Variants in SPECC1 observed in about 807,000 individuals in gnomAD.
The protein encoded by SPECC1 is sperm antigen with calponin homology and coiled-coil domains 1.
In SPECC1, 62 loss-of-function variants were observed where a neutral mutation model predicts 104.1. That is an observed-to-expected ratio of 0.60 (90% CI 0.49 to 0.74). SPECC1 has a LOEUF of 0.74. SPECC1 is among the 30% of genes least tolerant of loss of function. The pLI, the probability that SPECC1 is intolerant of heterozygous loss-of-function variation, is 0.00. For synonymous variants in SPECC1, 513 were observed against 501.6 expected (o/e 1.02, Z -0.30); for missense variants, 1,306 against 1,310.5 (o/e 1.00, Z 0.05).
chr17:20,270,452 A>C (rs1279648012), intron 12 of SPECC1, among the ~76,000 whole-genome samples: 2 of 145,962 alleles, frequency 1.4e-5, no homozygotes, highest in Admixed American at 6.8e-5. Flanking sequence ...AAAAAAAAAA[A>C]AAAAAAAAAA....
chr17:20,318,036 T>A lies in SPECC1; in HGVS notation c.*3971T>A, dbSNP rs2042061641. ...CTTATTTTTTCTATACTCAGCAGAG[T>A]GTGCCATTCCCAGTTTCTGTCCTGA... On this transcript the variant is annotated 3_prime_UTR_variant, in exon 15 of 15. Coordinates refer to ENST00000395527, the MANE Select transcript of SPECC1 (RefSeq NM_001243439.2). The A allele has an allele frequency of 4.3e-6, 1 of 230,268 alleles. No homozygotes were observed. Among genetic ancestry groups the A allele is most frequent in the Admixed American group, 5.7e-5 (1 of 17,678 alleles). 14.3% of individuals were successfully genotyped at this position (230,268 alleles called of 1,614,324 possible).
intron 12 of SPECC1, among the ~76,000 whole-genome samples, chr17:20,285,281 A>G (rs1048185688): frequency 7.9e-5 from 12 of 152,172 alleles, no homozygotes; most frequent in African/African-American, 2.9e-4. Flanking sequence ...CTTTAGTACA[A>G]CCTCAACACT....
intron 1 of SPECC1, among the ~76,000 whole-genome samples, chr17:20,085,642 A>G (rs1205791802): frequency 1.3e-5 from 2 of 152,262 alleles, no homozygotes; most frequent in African/African-American, 4.8e-5. Flanking sequence ...TTCATTAGCC[A>G]GCTGGCACTG....
intron 3 of SPECC1, among the ~76,000 whole-genome samples, chr17:20,145,388 G>A (rs2031342499): frequency 6.6e-6 from 1 of 152,190 alleles, no homozygotes. Context: ...AACTCAGAGG[G>A]TGTTTAATTC....
chr17:20,208,767 T>C (rs564036294), intron 4 of SPECC1, among the ~76,000 whole-genome samples: 1 of 152,354 alleles, frequency 6.6e-6, no homozygotes, highest in South Asian at 2.1e-4. Context: ...ATACCTTTTA[T>C]TATGTTATGC....
chr17:20,059,240 TC>T (rs1448797349), intron 1 of SPECC1, among the ~76,000 whole-genome samples: 10 of 152,070 alleles, frequency 6.6e-5, no homozygotes, highest in Non-Finnish European at 4.4e-5. Context: ...GAGGTTGTTT[TC>T]CTGCAACTAG....
Position 20,018,803 on chromosome 17 carries a change from G to A in SPECC1, c.-22+9379G>A, listed in dbSNP as rs76186806. 2.7e-3 allele frequency among the ~76,000 whole-genome samples: 410 copies of A among 152,332 alleles called. 16 individuals are homozygous for A. In the East Asian group the frequency reaches 0.076, roughly 28 times the overall value. ...TGTATGTGCTTAACTCCCCGAGGAA[G>A]GAGCTGTGACAACGCATGTGAAATG... On this transcript the variant is annotated intron_variant, in intron 1 of 14. Coordinates refer to ENST00000395527, the MANE Select transcript of SPECC1 (RefSeq NM_001243439.2).
intron 13 of SPECC1, among the ~76,000 whole-genome samples, chr17:20,305,110 C>T (rs1215113583): frequency 2.0e-5 from 3 of 152,092 alleles, no homozygotes; most frequent in Non-Finnish European, 4.4e-5. Flanking sequence ...TGGCTCAGGT[C>T]ATGATGGTGG....
chr17:20,121,097 G>A (rs1006009836), intron 3 of SPECC1, among the ~76,000 whole-genome samples: 1 of 152,046 alleles, frequency 6.6e-6, no homozygotes, highest in Non-Finnish European at 1.5e-5. Flanking sequence ...TCACAAAAGG[G>A]GCTTCTATTT....
At chr17:20,285,445 C>G (rs547757561) in intron 12 of SPECC1, among the ~76,000 whole-genome samples, 1 of 152,054 alleles carries the variant, frequency 6.6e-6, no homozygotes, top group East Asian at 1.9e-4. Flanking sequence ...TCCTAGAGAC[C>G]TATAACCAGT....
At position 20,296,956 on chromosome 17, in the gene SPECC1, T is replaced by G; in HGVS notation, c.2941-5T>G. ...CTTGTTTATTACTACTTTTCTCTCC[T>G]GCAGAACATTGACATCACCAATTTC... On this transcript the variant is annotated splice_polypyrimidine_tract_variant and splice_region_variant and intron_variant, in intron 12 of 14. Transcript: ENST00000395527. 6.2e-7 allele frequency: 1 copy of G among 1,614,046 alleles called. No individual in the cohort carries two copies.
At chr17:20,028,877 C>T (rs2044702387) in intron 1 of SPECC1, among the ~76,000 whole-genome samples, 1 of 151,974 alleles carries the variant, frequency 6.6e-6, no homozygotes, top group Non-Finnish European at 1.5e-5. Flanking sequence ...ATTCTCCTGC[C>T]TCAGCTTCCC....
intron 3 of SPECC1, chr17:20,155,822 T>C (rs1340160156): frequency 2.2e-5 from 16 of 719,664 alleles, no homozygotes; most frequent in Non-Finnish European, 2.8e-5. Context: ...GGTCAGCCGG[T>C]GCGTCCCGCC....
intron 3 of SPECC1, among the ~76,000 whole-genome samples, chr17:20,127,964 A>G (rs1013783954): frequency 1.6e-4 from 24 of 152,186 alleles, no homozygotes; most frequent in Non-Finnish European, 1.5e-5. Flanking sequence ...ACGATTCTGT[A>G]ATGTGCCCTT....
chr17:20,179,762 G>C (rs1193731219), intron 3 of SPECC1, among the ~76,000 whole-genome samples: 1 of 152,134 alleles, frequency 6.6e-6, no homozygotes, highest in Non-Finnish European at 1.5e-5. Flanking sequence ...GAAGATAGAA[G>C]AAAATGAATA....
chr17:20,310,363 TCCC>T (rs1217209891), intron 14 of SPECC1, among the ~76,000 whole-genome samples: 3 of 152,196 alleles, frequency 2.0e-5, no homozygotes, highest in Non-Finnish European at 2.9e-5. Context: ...AAGAGTGTAT[TCCC>T]TTTTCTCCAC....
intron 1 of SPECC1, among the ~76,000 whole-genome samples, chr17:20,095,371 C>T (rs946747712): frequency 6.6e-6 from 1 of 152,178 alleles, no homozygotes; most frequent in Non-Finnish European, 1.5e-5. Flanking sequence ...CAAATTACGC[C>T]GCCTTTAAAG....
intron 7 of SPECC1, chr17:20,239,077 A>C: frequency 9.7e-7 from 1 of 1,032,748 alleles, no homozygotes; most frequent in Non-Finnish European, 1.2e-6. Context: ...GAACAGTTTC[A>C]TTAGTAGAAC....
chr17:20,211,382 A>AT (rs2037137773), intron 4 of SPECC1, among the ~76,000 whole-genome samples: 1 of 152,216 alleles, frequency 6.6e-6, no homozygotes, highest in South Asian at 2.1e-4. Context: ...TGGGCAAGCC[A>AT]TGAGGATGTG....
Sources: gnomAD v4.1 joint callset for allele counts (sites outside exome capture counted in the v4.1 genomes callset) on GRCh38, gnomAD v4.1.1 for gene constraint, MANE v1.5 for transcripts, NCBI Gene and HGNC (gene_info 2026-07-23, HGNC 2026-07-21) for gene names.